SLIT2: variants seen among roughly 807,000 people sequenced by gnomAD.
SLIT2 encodes slit guidance ligand 2, also known as slit homolog 2 protein.
In SLIT2, 41 loss-of-function variants were observed where a neutral mutation model predicts 185.7. The ratio of observed to expected loss-of-function variants is 0.22; its 90% CI spans 0.17 to 0.29. SLIT2 has a LOEUF of 0.29. Ranked by LOEUF, SLIT2 falls within the 10% of genes least tolerant of loss-of-function variation. The pLI is 1.00. For synonymous variants in SLIT2, 693 were observed against 680.2 expected, an observed-to-expected ratio of 1.02 and a Z score of -0.29; for missense variants, 1,571 against 1,909.0, an observed-to-expected ratio of 0.82 and a Z score of 3.30.
intron 30 of SLIT2, among the ~76,000 whole-genome samples, chr4:20,592,234 T>C (rs1416896523): frequency 6.6e-6 from 1 of 152,218 alleles, no homozygotes; most frequent in Non-Finnish European, 1.5e-5. Context: ...GGTTTTACTT[T>C]TATTGCTTTA....
chr4:20,472,440 A>C (rs372391651), intron 5 of SLIT2, among the ~76,000 whole-genome samples: 2 of 74,860 alleles, frequency 2.7e-5, no homozygotes, highest in Non-Finnish European at 4.7e-5. Context: ...ATCTATAGAT[A>C]TATATCTATA....
At position 20,539,513 on chromosome 4, in the gene SLIT2, T is replaced by C; in HGVS notation, c.1905T>C (p.Leu635=). ...TAGGACTCAGTTCTGTGCGTTTGCT[T>C]TCTTTGTATGATAATCAAATTACTA... ...SFIGLSSVRL[L]SLYDNQITTV... Residue 635 remains leucine (L), a synonymous_variant, in exon 19 of 37, where the codon CTT becomes CTC. Transcript: ENST00000504154. 1 of 1,613,700 alleles carries C rather than the reference T, an allele frequency of 6.2e-7. No homozygotes were observed. The highest frequency in any genetic ancestry group is 8.5e-7 in the Non-Finnish European group (1 of 1,179,658).
At chr4:20,542,022 C>T (rs1037857514) in intron 20 of SLIT2, among the ~76,000 whole-genome samples, 2 of 152,132 alleles carry the variant, frequency 1.3e-5, no homozygotes, top group Admixed American at 6.5e-5. Flanking sequence ...TATATCATCA[C>T]ATTTGATTCT....
At chr4:20,395,985 G>A (rs902555514) in intron 4 of SLIT2, among the ~76,000 whole-genome samples, 1 of 151,700 alleles carries the variant, frequency 6.6e-6, no homozygotes, top group South Asian at 2.1e-4. Flanking sequence ...TTAAAAGGTA[G>A]ATCACAAGAA....
At chr4:20,385,796 A>G (rs922508953) in intron 4 of SLIT2, among the ~76,000 whole-genome samples, 3 of 152,188 alleles carry the variant, frequency 2.0e-5, no homozygotes, top group African/African-American at 7.2e-5. Context: ...TAGTATATCA[A>G]AAGAAGAAAA....
chr4:20,324,459 C>G (rs1719381849), intron 4 of SLIT2, among the ~76,000 whole-genome samples: 1 of 152,094 alleles, frequency 6.6e-6, no homozygotes. Flanking sequence ...AAAATTCTTC[C>G]TTAAAGTAAC....
intron 8 of SLIT2, chr4:20,490,729 T>G: frequency 9.5e-7 from 1 of 1,054,960 alleles, no homozygotes; most frequent in South Asian, 1.4e-5. Context: ...TTTAAAAAAT[T>G]AAATAATGAA....
chr4:20,417,296 G>C (rs1727757290), intron 4 of SLIT2, among the ~76,000 whole-genome samples: 1 of 151,660 alleles, frequency 6.6e-6, no homozygotes, highest in African/African-American at 2.4e-5. Context: ...TAGGGCTCCA[G>C]CTTTCTCTGC....
intron 34 of SLIT2, among the ~76,000 whole-genome samples, chr4:20,610,693 ATGAC>A (rs1729142228): frequency 6.6e-6 from 1 of 152,192 alleles, no homozygotes; most frequent in Non-Finnish European, 1.5e-5. Flanking sequence ...CTGTAATCCA[ATGAC>A]TGACTGAATG....
At chr4:20,286,088 G>T (rs955723671) in intron 4 of SLIT2, among the ~76,000 whole-genome samples, 6 of 152,210 alleles carry the variant, frequency 3.9e-5, no homozygotes, top group African/African-American at 1.2e-4. Context: ...TGCCCACATG[G>T]CAGGCTAGCA....
intron 4 of SLIT2, among the ~76,000 whole-genome samples, chr4:20,347,834 A>G: frequency 6.6e-6 from 1 of 152,232 alleles, no homozygotes; most frequent in Non-Finnish European, 1.5e-5. Context: ...AAGCTCATAG[A>G]TACCCAGGGA....
At chr4:20,278,235 T>A (rs7680377) in intron 4 of SLIT2, among the ~76,000 whole-genome samples, 1 of 151,702 alleles carries the variant, frequency 6.6e-6, no homozygotes, top group Non-Finnish European at 1.5e-5. Flanking sequence ...TGTTTTTTTT[T>A]TTGTTGTTGT....
chr4:20,342,881 C>T (rs1721079083), intron 4 of SLIT2, among the ~76,000 whole-genome samples: 1 of 151,704 alleles, frequency 6.6e-6, no homozygotes. Flanking sequence ...TCCTGCCTGC[C>T]TTGCCTGCCT....
chr4:20,261,317 G>A (rs918106310), intron 3 of SLIT2, among the ~76,000 whole-genome samples: 20 of 152,024 alleles, frequency 1.3e-4, no homozygotes, highest in Middle Eastern at 3.4e-3. Flanking sequence ...CAAATAAGCT[G>A]CAGTAAGAAT....
intron 6 of SLIT2, among the ~76,000 whole-genome samples, chr4:20,482,691 A>G (rs1716823856): frequency 6.6e-6 from 1 of 152,064 alleles, no homozygotes; most frequent in East Asian, 1.9e-4. Flanking sequence ...TACATCTTAT[A>G]GAAGTATATA....
At chr4:20,469,937 T>A (rs1714791337) in intron 5 of SLIT2, among the ~76,000 whole-genome samples, 1 of 151,654 alleles carries the variant, frequency 6.6e-6, no homozygotes, top group African/African-American at 2.4e-5. Context: ...TTGTATTTAG[T>A]AGAGATGGGA....
rs1307640727 is a variant in SLIT2, at chr4:20,373,703, A to G, written c.396-94049A>G. On this transcript the variant is annotated intron_variant, in intron 4 of 36. Transcript: ENST00000504154. ...GCCAAACTCACTTCTAGGGACCACAAATATATAAATGACTAAGTGAAACCC... is the reference window on the plus strand; with the variant it reads ...GCCAAACTCACTTCTAGGGACCACAGATATATAAATGACTAAGTGAAACCC... Among the ~76,000 whole-genome samples the G allele has an allele frequency of 3.3e-5, 5 of 152,122 alleles. No individual in the cohort carries two copies. In the East Asian group the frequency reaches 7.7e-4, roughly 23 times the overall value.
intron 19 of SLIT2, among the ~76,000 whole-genome samples, chr4:20,540,809 G>C (rs893551440): frequency 1.3e-5 from 2 of 152,160 alleles, no homozygotes; most frequent in Non-Finnish European, 2.9e-5. Flanking sequence ...TGGCTAATTT[G>C]CACATATTAA....
chr4:20,562,682 A>T (rs1166230312), intron 26 of SLIT2, among the ~76,000 whole-genome samples: 1 of 151,860 alleles, frequency 6.6e-6, no homozygotes, highest in Non-Finnish European at 1.5e-5. Context: ...TGTTGTTAAC[A>T]AATATGCATT....
Sources: allele counts gnomAD v4.1 joint callset (sites outside exome capture counted in the v4.1 genomes callset), GRCh38; gene constraint gnomAD v4.1.1; transcripts MANE v1.5; gene names NCBI Gene and HGNC (gene_info 2026-07-23, HGNC 2026-07-21).